Variants in MAGEC3 observed in about 807,000 individuals in gnomAD.
MAGEC3 encodes the protein melanoma-associated antigen C3.
Under a neutral mutation model 35.3 loss-of-function variants are expected in MAGEC3, and 34 were observed. The ratio of observed to expected loss-of-function variants is 0.96; its 90% confidence interval spans 0.73 to 1.28. The LOEUF (loss-of-function observed/expected upper bound fraction) is 1.28, where lower values mean the gene tolerates loss of function less well. MAGEC3 is among the 50% of genes most tolerant of loss of function. The pLI is 0.00. For missense variants in MAGEC3, 561 were observed against 483.6 expected, an observed-to-expected ratio of 1.16 and a Z score of -1.50; for synonymous variants, 202 against 185.6, an observed-to-expected ratio of 1.09 and a Z score of -0.72.
chrX:141,897,418 AG>A lies in MAGEC3; in HGVS notation c.1661del (p.Ser554IlefsTer2). The A allele has an allele frequency of 4.1e-6, 5 of 1,211,603 alleles. No individual in the cohort carries two copies. The highest frequency in any genetic ancestry group is 5.6e-6 in the Non-Finnish European group (5 of 895,468). ...PKNCLLILILSMIFIKGSCVP... is the reference protein window; with the variant it reads ...PKNCLLILILXMIFIKGSCVP... ...GAACTGTCTCCTGATTCTTATTCTC[AG>A]TATGATCTTCATAAAGGGCAGCTGT... On this transcript the variant is annotated frameshift_variant, in exon 7 of 8. Coordinates refer to ENST00000298296, the MANE Select transcript of MAGEC3 (RefSeq NM_138702.1). LOFTEE classifies it high-confidence loss of function.
At chrX:141,846,841 G>A (rs758963120) in intron 1 of MAGEC3, among the ~76,000 whole-genome samples, 1 of 110,774 alleles carries the variant, frequency 9.0e-6, no homozygotes, top group Non-Finnish European at 1.9e-5. Flanking sequence ...GCTAACTTTA[G>A]TTCTTCTGGA....
At chrX:141,846,740 A>C (rs969270495) in intron 1 of MAGEC3, among the ~76,000 whole-genome samples, 3 of 111,248 alleles carry the variant, frequency 2.7e-5, no homozygotes, top group South Asian at 3.7e-4. Context: ...AACTATGTGC[A>C]TCCAAGTTTT....
rs375005369 is a variant in MAGEC3 at position 141,874,590 on chromosome X, TA to T, written c.259-4580del. Among the ~76,000 whole-genome samples the T allele has an allele frequency of 6.0e-3, 670 of 111,417 alleles. 6 individuals carry two copies. Among genetic ancestry groups the T allele is most frequent in the African/African-American group, 0.02 (608 of 30,672 alleles). ...TATATACACATTGCAAATAATCATG[TA>T]AAAAGATGATTAGCATCTTATGTCA... On this transcript the variant is annotated intron_variant, in intron 2 of 7. Transcript: ENST00000298296.
At chrX:141,839,699 A>G (rs1001998931) in intron 1 of MAGEC3, 1 of 740,689 alleles carries the variant, frequency 1.4e-6, no homozygotes, top group African/African-American at 2.3e-5. Flanking sequence ...ATGCTTTACT[A>G]GCTTTTTAAT....
At chrX:141,879,497 TGGGCAGGAAG>T (rs2017945550) in intron 3 of MAGEC3, 66 bp downstream of exon 3, 42 of 1,040,276 alleles carry the variant, frequency 4.0e-5, no homozygotes, top group Middle Eastern at 3.0e-4. Context: ...TACCGAGAGG[TGGGCAGGAAG>T]GGGTGGAAAG....
intron 1 of MAGEC3, among the ~76,000 whole-genome samples, chrX:141,845,794 C>G (rs1044179662): frequency 9.0e-6 from 1 of 110,722 alleles, no homozygotes; most frequent in Non-Finnish European, 1.9e-5. Context: ...AGAATAGTTT[C>G]GTTGAAAAAG....
At chrX:141,840,780 C>CA (rs371807098) in intron 1 of MAGEC3, among the ~76,000 whole-genome samples, 9,962 of 98,451 alleles carry the variant, frequency 0.1, 416 homozygotes, top group South Asian at 0.21. Context: ...TTTTTCACAT[C>CA]AAAAAAAAAA....
At chrX:141,890,574 C>T (rs2018034082) in intron 4 of MAGEC3, among the ~76,000 whole-genome samples, 1 of 111,810 alleles carries the variant, frequency 8.9e-6, no homozygotes, top group Non-Finnish European at 1.9e-5. Context: ...CCGTCCCTGC[C>T]AAGACATCTA....
chrX:141,881,326 T>C, intron 3 of MAGEC3, 77 bp from the exon 4 acceptor site: 3 of 1,118,661 alleles, frequency 2.7e-6, no homozygotes, highest in East Asian at 6.0e-5. Flanking sequence ...CCTGTCCTGC[T>C]CCTCCTCCAC....
chrX:141,850,544 G>C (rs1055401050), intron 1 of MAGEC3, among the ~76,000 whole-genome samples: 1 of 110,812 alleles, frequency 9.0e-6, no homozygotes, highest in Non-Finnish European at 1.9e-5. Context: ...ATTCTATTAA[G>C]GCCCTTCCAT....
intron 4 of MAGEC3, 37 bp from the exon 5 acceptor site, chrX:141,895,232 G>T: frequency 1.7e-6 from 2 of 1,188,980 alleles, no homozygotes; most frequent in Non-Finnish European, 2.3e-6. Flanking sequence ...TTTTTCCATG[G>T]AGAGGAGGCC....
At chrX:141,861,743 A>G (rs1394699854) in intron 1 of MAGEC3, among the ~76,000 whole-genome samples, 2 of 111,731 alleles carry the variant, frequency 1.8e-5, no homozygotes, top group Non-Finnish European at 3.8e-5. Context: ...ATGAAACTGG[A>G]CTCCTACTTT....
rs866122782 is a variant in MAGEC3 at position 141,897,089 on chromosome X, C to T, written c.1331C>T (p.Ala444Val). 1 of 1,211,515 alleles carries T rather than the reference C, an allele frequency of 8.3e-7. No individual in the cohort carries two copies. Residue 444 changes from alanine to valine, a missense_variant, in exon 7 of 8, where the codon GCC (alanine) becomes GTC (valine). Transcript: ENST00000298296. ...SEEEDTATWH[A>V]LPESESLPRY... is the part of the protein sequence containing the mutation. ...GAGGAGGATACAGCTACTTGGCATG[C>T]CTTGCCAGAAAGTGAATCCTTGCCC...
chrX:141,871,548 T>A (rs1270532423), intron 2 of MAGEC3, among the ~76,000 whole-genome samples: 1 of 112,014 alleles, frequency 8.9e-6, no homozygotes, highest in African/African-American at 3.3e-5. Flanking sequence ...AAAGGTCTTT[T>A]GAATATAATT....
At chrX:141,894,597 A>G (rs1187131051) in intron 4 of MAGEC3, 22 of 937,618 alleles carry the variant, frequency 2.3e-5, no homozygotes, top group Non-Finnish European at 2.7e-5. Context: ...TGGAAGGAGT[A>G]AAACCTTGAG....
intron 1 of MAGEC3, among the ~76,000 whole-genome samples, chrX:141,853,669 A>C (rs1203119950): frequency 9.0e-6 from 1 of 111,419 alleles, no homozygotes; most frequent in African/African-American, 3.3e-5. Flanking sequence ...ACATAAGAAA[A>C]GTGTTACAGA....
intron 3 of MAGEC3, 57 bp downstream of exon 3, chrX:141,879,488 A>G: frequency 9.0e-7 from 1 of 1,106,144 alleles, no homozygotes; most frequent in Non-Finnish European, 1.2e-6. Flanking sequence ...GTGGAGGGAT[A>G]CCGAGAGGTG....
intron 1 of MAGEC3, among the ~76,000 whole-genome samples, chrX:141,841,365 C>T (rs996084150): frequency 8.9e-6 from 1 of 112,066 alleles, no homozygotes; most frequent in Non-Finnish European, 1.9e-5. Context: ...CCGTATTTTA[C>T]ATTCTTGATA....
At position 141,881,688 on chromosome X, in the gene MAGEC3, G is replaced by T. The variant is rs1477478299; in HGVS notation, c.801G>T (p.Glu267Asp). Reference protein sequence around the residue: ...DLTCEGSLSDEQGMPQNRLLI... With the variant: ...DLTCEGSLSDDQGMPQNRLLI... Reference sequence around the variant, plus strand: ...CCTGTGAGGGGAGTCTGAGTGATGAGCAGGGCATGCCCCAGAACCGCCTCC... The same window carrying T: ...CCTGTGAGGGGAGTCTGAGTGATGATCAGGGCATGCCCCAGAACCGCCTCC... The change falls in exon 4 of 8, where the codon GAG becomes GAT. Residue 267 changes from glutamate to aspartate, a missense_variant. By Grantham distance (45) the Glu-to-Asp change is conservative (BLOSUM62 2). Coordinates refer to ENST00000298296, the MANE Select transcript of MAGEC3 (RefSeq NM_138702.1). 1 of 1,209,631 alleles carries T rather than the reference G, an allele frequency of 8.3e-7. No homozygotes were observed. The highest frequency in any genetic ancestry group is 3.0e-5 in the East Asian group (1 of 33,715).
Sources: allele counts gnomAD v4.1 joint callset (sites outside exome capture counted in the v4.1 genomes callset), GRCh38; gene constraint gnomAD v4.1.1; transcripts MANE v1.5; gene names NCBI Gene and HGNC (gene_info 2026-07-23, HGNC 2026-07-21).